Variants in TEDC1 observed in about 807,000 individuals in gnomAD.
The protein encoded by TEDC1 is tubulin epsilon and delta complex protein 1.
TEDC1 carries 54 observed loss-of-function variants against 59.9 expected under a neutral mutation model. That is an observed-to-expected ratio of 0.90 (90% CI 0.72 to 1.13). TEDC1 has a LOEUF of 1.13. Ranked by LOEUF, TEDC1 falls within the 50% of genes most tolerant of loss-of-function variation. The pLI, the probability that TEDC1 is intolerant of heterozygous loss-of-function variation, is 0.00. For missense variants in TEDC1, 734 were observed against 683.4 expected, an observed-to-expected ratio of 1.07 and a Z score of -0.83; for synonymous variants, 353 against 298.1, an observed-to-expected ratio of 1.18 and a Z score of -1.90.
upstream of TEDC1, chr14:105,490,813 G>A (rs1555439058): frequency 1.7e-6 from 1 of 604,276 alleles, no homozygotes; most frequent in African/African-American, 1.9e-5. Context: ...GACTGCGTAA[G>A]CGGCCCCACA....
At chr14:105,498,534 T>C (rs2084398045) in intron 8 of TEDC1, 83 bp from the exon 9 acceptor site, 3 of 1,410,986 alleles carry the variant, frequency 2.1e-6, no homozygotes, top group Non-Finnish European at 2.8e-6. Flanking sequence ...CGCCTGCACC[T>C]GAGTCTGGGC....
At chr14:105,490,411 G>A (rs1479751850), upstream of TEDC1, 2 of 152,304 alleles carry the variant, frequency 1.3e-5, no homozygotes, top group African/African-American at 4.8e-5. Context: ...AATGCCCGGA[G>A]GCGCCGCTGG....
rs1555440641 is a variant in TEDC1, at chr14:105,497,405, G to A, written c.940G>A (p.Ala314Thr). The A allele has an allele frequency of 6.4e-7, 1 of 1,552,000 alleles. No homozygotes were observed. The highest frequency in any genetic ancestry group is 1.9e-5 in the Admixed American group (1 of 51,370). ...GAACCAGCGCCTGGAGGCTGTCCTG[G>A]CGTGGCGGCGCTCTGAGCTGGTCTT... The part of the protein sequence containing the change: ...RENQRLEAVL[A>T]WRRSELVFWR... The change falls in exon 7 of 9, where the codon GCG becomes ACG. Residue 314 changes from alanine to threonine, a missense_variant. Ala to Thr is a moderately conservative substitution (Grantham distance 58). Coordinates refer to ENST00000392523, the MANE Select transcript of TEDC1 (RefSeq NM_001367178.1).
intron 5 of TEDC1, chr14:105,494,310 C>T: frequency 1.0e-5 from 3 of 292,890 alleles, no homozygotes; most frequent in South Asian, 9.8e-5. Context: ...TCAGGGGGCA[C>T]CTAGGGGTGT....
chr14:105,497,934 T>TGCGGGAGGCTGCGGAGCGCAG lies in TEDC1; in HGVS notation c.1121_1141dup (p.Glu374_Arg380dup). 1 of 1,546,600 alleles carries TGCGGGAGGCTGCGGAGCGCAG rather than the reference T, an allele frequency of 6.5e-7. No individual in the cohort carries two copies. The highest frequency in any genetic ancestry group is 8.7e-7 in the Non-Finnish European group (1 of 1,145,842). On this transcript the variant is annotated inframe_insertion, in exon 8 of 9. Transcript: ENST00000392523. ...GAGCTGCAGGCACTGGAGGAGGAGCTGCGGGAGGCTGCGGAGCGCAGGCGG... is the reference window on the plus strand; with the variant it reads ...GAGCTGCAGGCACTGGAGGAGGAGCTGCGGGAGGCTGCGGAGCGCAGGCGGGAGGCTGCGGAGCGCAGGCGG...
Position 105,491,542 on chromosome 14 carries a change from C to A in TEDC1, c.147+20C>A. The A allele has an allele frequency of 1.3e-6, 2 of 1,527,684 alleles. No individual in the cohort carries two copies. The highest frequency in any genetic ancestry group is 1.2e-5 in the South Asian group (1 of 81,270). 94.6% of individuals were successfully genotyped at this position (1,527,684 alleles called of 1,614,324 possible). A position where few individuals can be genotyped will look rare whatever the true frequency, so the allele number is the denominator to read the frequency against. ...GAGGCGGTGACGCTCTCGCGGAGGG[C>A]AGGCGGGCCGGGTGGGGTCCCGGGC... On this transcript the variant is annotated intron_variant, in intron 1 of 8. Coordinates refer to ENST00000392523, the MANE Select transcript of TEDC1 (RefSeq NM_001367178.1).
Position 105,491,353 on chromosome 14 carries a change from C to A in TEDC1, c.-23C>A. The A allele has an allele frequency of 6.9e-7, 1 of 1,459,130 alleles. No individual in the cohort carries two copies. Among genetic ancestry groups the A allele is most frequent in the Non-Finnish European group, 9.0e-7 (1 of 1,110,684 alleles). 90.4% of individuals were successfully genotyped at this position (1,459,130 alleles called of 1,614,324 possible). ...CGGGCCGCGGCGGAGGCGGGCGATC[C>A]GAAAGAGGCTGGTGCTGGCTGCATG... On this transcript the variant is annotated 5_prime_UTR_variant, in exon 1 of 9. Transcript: ENST00000392523.
intron 8 of TEDC1, among the ~76,000 whole-genome samples, chr14:105,498,393 C>T (rs587680675): frequency 6.6e-6 from 1 of 152,360 alleles, no homozygotes; most frequent in East Asian, 1.9e-4. Context: ...TGGCTGTGAA[C>T]ACGGGGCTGT....
At chr14:105,494,989 AC>A (rs1204067628) in intron 5 of TEDC1, 3 of 150,942 alleles carry the variant, frequency 2.0e-5, no homozygotes, top group Admixed American at 6.6e-5. Flanking sequence ...TCCTATCTCA[AC>A]CTCCTGAGTA....
Position 105,498,920 on chromosome 14 carries a change from A to G in TEDC1, c.1462A>G (p.Ile488Val). ...GCTGGTGGGAGCCCGCCCTGGTCTC[A>G]TCTGGATCCCGCCACCTGGACGCTG... ...ARLVGARPGL[I>V]WIPPPGR The change falls in exon 9 of 9, where the codon ATC becomes GTC. Residue 488 changes from isoleucine to valine, a missense_variant. By Grantham distance (29) the Ile-to-Val change is conservative (BLOSUM62 3). Coordinates refer to ENST00000392523, the MANE Select transcript of TEDC1 (RefSeq NM_001367178.1). 1 of 1,608,018 alleles carries G rather than the reference A, an allele frequency of 6.2e-7. No homozygotes were observed. Among genetic ancestry groups the G allele is most frequent in the South Asian group, 1.1e-5 (1 of 90,390 alleles).
At chr14:105,498,327 G>T (rs1335492818) in intron 8 of TEDC1, among the ~76,000 whole-genome samples, 9 of 152,200 alleles carry the variant, frequency 5.9e-5, no homozygotes, top group Non-Finnish European at 1.3e-4. Flanking sequence ...CCTCCTGGTG[G>T]CCACCTGGGC....
At chr14:105,492,444 A>C (rs1262026384) in intron 3 of TEDC1, 135 bp downstream of exon 3, 14 of 1,478,816 alleles carry the variant, frequency 9.5e-6, no homozygotes, top group Non-Finnish European at 1.3e-5. Flanking sequence ...CCAGCTGCCC[A>C]GCTGAAAGCA....
intron 6 of TEDC1, 55 bp downstream of exon 6, chr14:105,496,141 G>GGGCCCCCCCCC: frequency 2.9e-6 from 1 of 347,902 alleles, no homozygotes; most frequent in East Asian, 7.2e-5. Flanking sequence ...GGGGTGGGTG[G>GGGCCCCCCCCC]GAGGGGGTGG....
chr14:105,493,982 A>G (rs61641418), intron 5 of TEDC1, 49 bp downstream of exon 5: 257,036 of 444,148 alleles, frequency 0.58, 73,112 homozygotes, highest in East Asian at 0.86. Flanking sequence ...GCTGGGGGGC[A>G]CAGCAGGGGG....
intron 5 of TEDC1, chr14:105,494,751 G>T: frequency 6.6e-6 from 1 of 152,534 alleles, no homozygotes; most frequent in Non-Finnish European, 1.5e-5. Flanking sequence ...GCACCCTGCT[G>T]CTGGCCTTCC....
chr14:105,490,155 C>A (rs1555438933), upstream of TEDC1: 3 of 125,564 alleles, frequency 2.4e-5, no homozygotes, highest in Admixed American at 2.2e-4. Flanking sequence ...AGAGGAGGGG[C>A]TTGCTGGGGG....
chr14:105,491,483 C>T lies in TEDC1; in HGVS notation c.108C>T (p.Pro36=). Residue 36 remains proline, a synonymous_variant, in exon 1 of 9, where the codon CCC becomes CCT. Transcript: ENST00000392523. ...GGTCGCTGCCCTCGGGACCCAGCCC[C>T]GAGATCTTCCGCCGCGCCAAGTTCG... is the stretch of plus-strand genomic sequence containing the variant. ...LSRSLPSGPS[P]EIFRRAKFDR... The T allele has an allele frequency of 6.7e-7, 1 of 1,488,470 alleles. No individual in the cohort carries two copies. The highest frequency in any genetic ancestry group is 8.9e-7 in the Non-Finnish European group (1 of 1,119,444). 92.2% of individuals were successfully genotyped at this position (1,488,470 alleles called of 1,614,324 possible).
chr14:105,491,345 G>C lies in TEDC1; in HGVS notation c.-31G>C, dbSNP rs1555439196. 14 of 1,461,408 alleles carry C rather than the reference G, an allele frequency of 9.6e-6. No individual in the cohort carries two copies. Among genetic ancestry groups the C allele is most frequent in the East Asian group, 2.5e-5 (1 of 40,232 alleles). 90.5% of individuals were successfully genotyped at this position (1,461,408 alleles called of 1,614,324 possible). ...GCAGGCCCCGGGCCGCGGCGGAGGC[G>C]GGCGATCCGAAAGAGGCTGGTGCTG... On this transcript the variant is annotated 5_prime_UTR_variant, in exon 1 of 9. Transcript: ENST00000392523.
At position 105,492,291 on chromosome 14, in the gene TEDC1, C is replaced by G. The variant is rs782308934; in HGVS notation, c.411C>G (p.Asp137Glu). ...MLAQARVPLGDEMTVCQCEAL... is the reference protein window; with the variant it reads ...MLAQARVPLGEEMTVCQCEAL... ...CCCAGGCCCGAGTGCCTCTGGGTGA[C>G]GAGATGACTGTGTGCCAGGTGCGTG... The change falls in exon 3 of 9, where the codon GAC (aspartate) becomes GAG (glutamate). Residue 137 changes from aspartate (D) to glutamate (E), a missense_variant. Transcript: ENST00000392523. The G allele has an allele frequency of 1.2e-6, 2 of 1,605,558 alleles. No individual in the cohort carries two copies. Among genetic ancestry groups the G allele is most frequent in the Non-Finnish European group, 1.7e-6 (2 of 1,179,934 alleles).
Sources: gnomAD v4.1 joint callset for allele counts (sites outside exome capture counted in the v4.1 genomes callset) on GRCh38, gnomAD v4.1.1 for gene constraint, MANE v1.5 for transcripts, NCBI Gene and HGNC (gene_info 2026-07-23, HGNC 2026-07-21) for gene names.